The following SERPINA4 variants were observed in gnomAD, a reference collection of about 807,000 sequenced individuals.
SERPINA4 encodes the protein kallistatin.
SERPINA4 carries 24 observed loss-of-function variants against 25.4 expected under a neutral mutation model. The ratio of observed to expected loss-of-function variants is 0.95; its 90% confidence interval spans 0.69 to 1.33. The LOEUF (loss-of-function observed/expected upper bound fraction) is 1.33, where lower values mean the gene tolerates loss of function less well. Ranked by LOEUF, SERPINA4 falls within the 40% of genes most tolerant of loss-of-function variation. The pLI is 0.00. For synonymous variants in SERPINA4, 242 were observed against 223.6 expected (o/e 1.08, Z -0.73); for missense variants, 553 against 535.8 (o/e 1.03, Z -0.32).
chr14:94,562,361 G>C (rs910843646), intron 1 of SERPINA4, among the ~76,000 whole-genome samples: 3 of 152,206 alleles, frequency 2.0e-5, no homozygotes, highest in Non-Finnish European at 4.4e-5. Context: ...GAACCTACAG[G>C]AGAGTCTAGG....
At chr14:94,563,374 C>A in intron 1 of SERPINA4, 92 bp from the exon 2 acceptor site, 1 of 1,352,078 alleles carries the variant, frequency 7.4e-7, no homozygotes, top group Non-Finnish European at 1.0e-6. Flanking sequence ...GTGTCACTCA[C>A]GATCTCCGGG....
At position 94,563,723 on chromosome 14, in the gene SERPINA4, A is replaced by G; in HGVS notation, c.241A>G (p.Ser81Gly). ...PGKNIFFSPL[S>G]ISAAYAMLSL... ...GAAGAACATCTTTTTCTCCCCGCTGAGCATCTCGGCGGCCTACGCCATGCT... is the reference window on the plus strand; with the variant it reads ...GAAGAACATCTTTTTCTCCCCGCTGGGCATCTCGGCGGCCTACGCCATGCT... The change falls in exon 2 of 5, where the codon AGC (serine) becomes GGC (glycine). Residue 81 changes from serine (S) to glycine (G), a missense_variant. By Grantham distance (56) the Ser-to-Gly change is moderately conservative (BLOSUM62 0). Coordinates refer to ENST00000557004, the MANE Select transcript of SERPINA4 (RefSeq NM_006215.4). 6.2e-7 allele frequency: 1 copy of G among 1,613,926 alleles called. No homozygotes were observed. Among genetic ancestry groups the G allele is most frequent in the Non-Finnish European group, 8.5e-7 (1 of 1,180,020 alleles).
chr14:94,563,580 A>C lies in SERPINA4; in HGVS notation c.98A>C (p.Asn33Thr), dbSNP rs762586870. Residue 33 changes from asparagine (N) to threonine (T), a missense_variant, in exon 2 of 5, where the codon AAC becomes ACC. Transcript: ENST00000557004. ...GAGCATGATGGTGAGAGTTGCAGTA[A>C]CAGCTCCCACCAGCAGATTCTGGAG... ...HVEHDGESCS[N>T]SSHQQILETG... 19 of 1,614,052 alleles carry C rather than the reference A, an allele frequency of 1.2e-5. No individual in the cohort carries two copies. Among genetic ancestry groups the C allele is most frequent in the Middle Eastern group, 3.3e-4 (2 of 6,062 alleles).
intron 1 of SERPINA4, 114 bp downstream of exon 1, chr14:94,561,608 C>G: frequency 2.4e-6 from 3 of 1,244,870 alleles, no homozygotes; most frequent in Non-Finnish European, 2.1e-6. Flanking sequence ...GTGCTAAAAC[C>G]AGGAAAGTCC....
intron 1 of SERPINA4, among the ~76,000 whole-genome samples, chr14:94,563,102 G>C (rs550973932): frequency 2.6e-5 from 4 of 152,224 alleles, no homozygotes; most frequent in African/African-American, 9.6e-5. Flanking sequence ...GTCTGGGGAT[G>C]TGGGTTCTGG....
rs767203821 is a variant in SERPINA4 at position 94,564,099 on chromosome 14, T to G, written c.617T>G (p.Leu206Trp). The change falls in exon 2 of 5, where the codon TTG (leucine) becomes TGG (tryptophan). Residue 206 changes from leucine (L) to tryptophan (W), a missense_variant. Leu to Trp is a moderately conservative substitution (Grantham distance 61, BLOSUM62 -2). Transcript: ENST00000557004. ...DLVSELKKDV[L>W]MVLVNYIYFK... ...GTCAGTGAGCTCAAGAAGGACGTCT[T>G]GATGGTGCTGGTGAATTACATTTAC... 5.0e-6 allele frequency: 8 copies of G among 1,601,974 alleles called. No homozygotes were observed. In the South Asian group the frequency reaches 7.7e-5, roughly 15 times the overall value.
chr14:94,563,680 C>T lies in SERPINA4; in HGVS notation c.198C>T (p.Ile66=), dbSNP rs45490197. The change falls in exon 2 of 5, where the codon ATC becomes ATT. Residue 66 remains isoleucine, a synonymous_variant. Transcript: ENST00000557004. ...TTGCCTTCCGCTTCTACTACCTGATCGCTTCGGAGACCCCGGGGAAGAACA... is the reference window on the plus strand; with the variant it reads ...TTGCCTTCCGCTTCTACTACCTGATTGCTTCGGAGACCCCGGGGAAGAACA... The part of the protein sequence containing the change: ...ADFAFRFYYL[I]ASETPGKNIF... The T allele has an allele frequency of 5.1e-3, 8,196 of 1,613,898 alleles. 40 individuals are homozygous for T. Among genetic ancestry groups the T allele is most frequent in the Non-Finnish European group, 6.0e-3 (7,071 of 1,180,032 alleles).
In SERPINA4 at chr14:94,563,681, G is replaced by T. The variant is rs372314134; in HGVS notation, c.199G>T (p.Ala67Ser). The change falls in exon 2 of 5, where the codon GCT (alanine) becomes TCT (serine). Residue 67 changes from alanine to serine, a missense_variant. Transcript: ENST00000557004. Reference protein sequence around the residue: ...DFAFRFYYLIASETPGKNIFF... With the variant: ...DFAFRFYYLISSETPGKNIFF... ...TGCCTTCCGCTTCTACTACCTGATC[G>T]CTTCGGAGACCCCGGGGAAGAACAT... 22 of 1,613,668 alleles carry T rather than the reference G, an allele frequency of 1.4e-5. No individual in the cohort carries two copies. The East Asian group carries it at 1.8e-4, about 13-fold the overall frequency.
rs1902242236 is a variant in SERPINA4 at position 94,567,132 on chromosome 14, A to G, written c.812A>G (p.Lys271Arg). 1.2e-6 allele frequency: 2 copies of G among 1,614,174 alleles called. No individual in the cohort carries two copies. The highest frequency in any genetic ancestry group is 2.7e-5 in the African/African-American group (2 of 75,044). The change falls in exon 3 of 5, where the codon AAA becomes AGA. Residue 271 changes from lysine (K) to arginine (R), a missense_variant. By Grantham distance (26) the Lys-to-Arg change is conservative. Transcript: ENST00000557004. Reference sequence around the variant, plus strand: ...TGCTCGGTGCTACGGATGGATTACAAAGGAGACGCAACCGTGTTTTTCATT... The same window carrying G: ...TGCTCGGTGCTACGGATGGATTACAGAGGAGACGCAACCGTGTTTTTCATT... The part of the protein sequence containing the change: ...LPCSVLRMDY[K>R]GDATVFFILP...
chr14:94,562,617 A>T (rs540456094), intron 1 of SERPINA4, among the ~76,000 whole-genome samples: 73 of 152,266 alleles, frequency 4.8e-4, no homozygotes, highest in Middle Eastern at 6.8e-3. Flanking sequence ...AAACAAACAA[A>T]CAACCAAACA....
intron 4 of SERPINA4, 154 bp from the exon 5 acceptor site, chr14:94,569,241 C>T (rs1340581821): frequency 1.8e-5 from 4 of 226,512 alleles, no homozygotes; most frequent in Admixed American, 6.5e-5. Context: ...CTCAAAAATC[C>T]GCCCAAATGA....
At chr14:94,565,202 A>G (rs767191258) in intron 2 of SERPINA4, among the ~76,000 whole-genome samples, 1 of 152,244 alleles carries the variant, frequency 6.6e-6, no homozygotes, top group Non-Finnish European at 1.5e-5. Context: ...GCCAGGCTCA[A>G]CCAGCCATCA....
At chr14:94,569,361 G>C (rs1566831477) in intron 4 of SERPINA4, 34 bp from the exon 5 acceptor site, 2 of 1,604,526 alleles carry the variant, frequency 1.2e-6, no homozygotes, top group South Asian at 1.1e-5. Flanking sequence ...CTCTCTTGCT[G>C]GCTTGGAGAT....
At position 94,563,477 on chromosome 14, in the gene SERPINA4, C is replaced by T; in HGVS notation, c.-6C>T. The T allele has an allele frequency of 6.2e-7, 1 of 1,607,656 alleles. No homozygotes were observed. On this transcript the variant is annotated 5_prime_UTR_variant, in exon 2 of 5. Coordinates refer to ENST00000557004, the MANE Select transcript of SERPINA4 (RefSeq NM_006215.4). Reference sequence around the variant, plus strand: ...CTTCCCTCCCATAGGCCTGAGAGTGCAGAGGATGCATCTTATCGACTACCT... The same window carrying T: ...CTTCCCTCCCATAGGCCTGAGAGTGTAGAGGATGCATCTTATCGACTACCT...
intron 2 of SERPINA4, among the ~76,000 whole-genome samples, chr14:94,565,587 C>T (rs921380062): frequency 1.3e-5 from 2 of 152,016 alleles, no homozygotes; most frequent in African/African-American, 4.8e-5. Context: ...GTGGCTCACA[C>T]CTGTAATTCC....
At chr14:94,564,677 A>G (rs1902146924) in intron 2 of SERPINA4, among the ~76,000 whole-genome samples, 1 of 152,250 alleles carries the variant, frequency 6.6e-6, no homozygotes. Flanking sequence ...TTCATGCTAC[A>G]ATGGCAGGTT....
intron 1 of SERPINA4, among the ~76,000 whole-genome samples, chr14:94,562,469 G>C (rs1285514743): frequency 6.6e-6 from 1 of 152,068 alleles, no homozygotes; most frequent in Admixed American, 6.5e-5. Context: ...TACTTGGAAG[G>C]GTGCATGCCT....
Position 94,569,858 on chromosome 14 carries a change from C to A in SERPINA4, c.*263C>A. On this transcript the variant is annotated 3_prime_UTR_variant, in exon 5 of 5. Coordinates refer to ENST00000557004, the MANE Select transcript of SERPINA4 (RefSeq NM_006215.4). Reference sequence around the variant, plus strand: ...TCTGCCTCTGGAAAGGGGGCGGGCCCTTTTCACAACAGGCTGGTTGTACCG... The same window carrying A: ...TCTGCCTCTGGAAAGGGGGCGGGCCATTTTCACAACAGGCTGGTTGTACCG... 3.8e-6 allele frequency: 2 copies of A among 530,768 alleles called. No individual in the cohort carries two copies. Among genetic ancestry groups the A allele is most frequent in the Non-Finnish European group, 6.8e-6 (2 of 294,690 alleles). 32.9% of individuals were successfully genotyped at this position (530,768 alleles called of 1,614,324 possible). A position where few individuals can be genotyped will look rare whatever the true frequency, so the allele number is the denominator to read the frequency against.
Position 94,563,827 on chromosome 14 carries a change from C to G in SERPINA4, c.345C>G (p.Ser115=). ...LGFNLTELSE[S]DVHRGFQHLL... ...TCAACCTCACCGAGCTGTCTGAGTC[C>G]GATGTCCATAGGGGCTTCCAGCACC... The change falls in exon 2 of 5, where the codon TCC becomes TCG. Residue 115 remains serine (S), a synonymous_variant. Coordinates refer to ENST00000557004, the MANE Select transcript of SERPINA4 (RefSeq NM_006215.4). 6.2e-7 allele frequency: 1 copy of G among 1,614,162 alleles called. No homozygotes were observed. Among genetic ancestry groups the G allele is most frequent in the Non-Finnish European group, 8.5e-7 (1 of 1,180,042 alleles).
Sources: gnomAD v4.1 joint callset for allele counts (sites outside exome capture counted in the v4.1 genomes callset) on GRCh38, gnomAD v4.1.1 for gene constraint, MANE v1.5 for transcripts, NCBI Gene and HGNC (gene_info 2026-07-23, HGNC 2026-07-21) for gene names.